The following TOP1MT variants were observed in gnomAD, a reference collection of about 807,000 sequenced individuals.
The protein encoded by TOP1MT is DNA topoisomerase I, mitochondrial.
TOP1MT carries 80 observed loss-of-function variants against 73.9 expected under a neutral mutation model. The ratio of observed to expected loss-of-function variants is 1.08; its 90% CI spans 0.90 to 1.30. The LOEUF is 1.30. Among genes scored for constraint, TOP1MT ranks in the 50% most tolerant of loss-of-function variants. The pLI, the probability that TOP1MT is intolerant of heterozygous loss-of-function variation, is 0.00. For missense variants in TOP1MT, 815 were observed against 808.0 expected, an observed-to-expected ratio of 1.01 and a Z score of -0.10; for synonymous variants, 338 against 326.4, an observed-to-expected ratio of 1.04 and a Z score of -0.38.
rs1211690522 is a variant in TOP1MT, at chr8:143,331,367, C to T, written c.123-28G>A. On this transcript the variant is annotated intron_variant, in intron 1 of 13. Coordinates refer to ENST00000329245, the MANE Select transcript of TOP1MT (RefSeq NM_052963.3). ...AAAGACGGAGACAGGACGTGTCACT[C>T]TCCTGGGCCAGGCCCTGCATGAGCC... The T allele has an allele frequency of 5.7e-6, 9 of 1,587,310 alleles. No homozygotes were observed. In the East Asian group the frequency reaches 2.0e-4, roughly 36 times the overall value.
upstream of TOP1MT, among the ~76,000 whole-genome samples, chr8:143,335,524 G>A (rs1263689719): frequency 6.6e-6 from 1 of 152,222 alleles, no homozygotes; most frequent in Admixed American, 6.5e-5. Flanking sequence ...AGTCCCCAGC[G>A]TGACTGCTGA....
chr8:143,312,260 A>G (rs1816033354), intron 12 of TOP1MT, among the ~76,000 whole-genome samples: 1 of 152,254 alleles, frequency 6.6e-6, no homozygotes. Flanking sequence ...TACCAAAATC[A>G]ATGACATCAT....
intron 2 of TOP1MT, among the ~76,000 whole-genome samples, chr8:143,342,715 T>TCG (rs1563771906): frequency 7.3e-4 from 65 of 89,194 alleles, no homozygotes; most frequent in Non-Finnish European, 1.0e-3. Context: ...GTCTCGCTGT[T>TCG]ATTATTATTA....
rs962610467 is a variant in TOP1MT at position 143,329,475 on chromosome 8, C to A, written c.239-4G>T. 2 of 1,607,582 alleles carry A rather than the reference C, an allele frequency of 1.2e-6. No individual in the cohort carries two copies. The highest frequency in any genetic ancestry group is 2.7e-5 in the African/African-American group (2 of 74,378). On this transcript the variant is annotated splice_region_variant and splice_polypyrimidine_tract_variant and intron_variant, in intron 2 of 13. Transcript: ENST00000329245. ...ACGCTCAATCTCACAGGCCTTCCTG[C>A]AGGCATCGGAAGACACATCGTATGA...
upstream of TOP1MT, among the ~76,000 whole-genome samples, chr8:143,345,741 T>C (rs1365691824): frequency 2.0e-5 from 3 of 152,254 alleles, no homozygotes; most frequent in East Asian, 5.8e-4. Context: ...ACTATACTGA[T>C]GAAGTCAGTC....
Position 143,324,095 on chromosome 8 carries a change from T to TCC in TOP1MT, c.862_863dup (p.Phe289AspfsTer19). 1 of 1,613,666 alleles carries TCC rather than the reference T, an allele frequency of 6.2e-7. No individual in the cohort carries two copies. Among genetic ancestry groups the TCC allele is most frequent in the Non-Finnish European group, 8.5e-7 (1 of 1,180,006 alleles). On this transcript the variant is annotated frameshift_variant, in exon 7 of 14. Transcript: ENST00000329245. LOFTEE classifies it high-confidence loss of function. ...ACTGGGAGCGGATCTCGTCCACAAA[T>TCC]CCCCGCAGGCGTCGAGCTGTTTCAA...
At chr8:143,313,195 A>G (rs1034898623) in intron 12 of TOP1MT, among the ~76,000 whole-genome samples, 1 of 152,260 alleles carries the variant, frequency 6.6e-6, no homozygotes, top group Non-Finnish European at 1.5e-5. Flanking sequence ...GGGTTAGGCA[A>G]AGCCTTCTCA....
Position 143,324,042 on chromosome 8 carries a change from A to G in TOP1MT, c.917T>C (p.Met306Thr). The change falls in exon 7 of 14, where the codon ATG (methionine) becomes ACG (threonine). Residue 306 changes from methionine to threonine, a missense_variant. Physicochemically the swap from Met to Thr is moderately conservative, Grantham distance 81 (BLOSUM62 -1). Transcript: ENST00000329245. ...GGCCACCGCCCGCTGTCTCGTCTTC[A>G]TTTCCCGAGACTTCCAGTCAGCCCG... ...QYRADWKSRE[M>T]KTRQRAVALY... is the part of the protein sequence containing the mutation. The G allele has an allele frequency of 6.2e-7, 1 of 1,613,820 alleles. No individual in the cohort carries two copies.
chr8:143,326,722 T>A (rs1312191395), intron 3 of TOP1MT, among the ~76,000 whole-genome samples: 1 of 152,244 alleles, frequency 6.6e-6, no homozygotes, highest in Non-Finnish European at 1.5e-5. Flanking sequence ...TAAGGGCAAC[T>A]GCAGAAACGT....
At chr8:143,354,573 G>A (rs1295676314) in intron 1 of TOP1MT, among the ~76,000 whole-genome samples, 1 of 152,084 alleles carries the variant, frequency 6.6e-6, no homozygotes, top group East Asian at 1.9e-4. Context: ...TTAGCCAGGC[G>A]TGGTGGTGCA....
At position 143,325,457 on chromosome 8, in the gene TOP1MT, C is replaced by T. The variant is rs1816680880; in HGVS notation, c.560G>A (p.Gly187Asp). The T allele has an allele frequency of 6.2e-7, 1 of 1,613,528 alleles. No individual in the cohort carries two copies. Among genetic ancestry groups the T allele is most frequent in the Non-Finnish European group, 8.5e-7 (1 of 1,179,574 alleles). Residue 187 changes from glycine (G) to aspartate (D), a missense_variant, in exon 5 of 14, where the codon GGC becomes GAC. By Grantham distance (94) the Gly-to-Asp change is moderately conservative (BLOSUM62 -1). Transcript: ENST00000329245. The stretch of plus-strand genomic sequence containing the variant: ...GCCAGGCGGCTCAATCTTGAAGTTG[C>T]CTATTTTTTCTTGGTGACCATCTAA... ...CILDGHQEKI[G>D]NFKIEPPGLF... is the part of the protein sequence containing the mutation.
At chr8:143,321,595 G>C (rs1303635216) in intron 7 of TOP1MT, among the ~76,000 whole-genome samples, 1 of 44,424 alleles carries the variant, frequency 2.3e-5, no homozygotes, top group Non-Finnish European at 3.9e-5. Flanking sequence ...CCACACGCAC[G>C]CACGCCACAC....
chr8:143,324,194 CG>C (rs748839166), intron 6 of TOP1MT, 52 bp from the exon 7 acceptor site: 10 of 1,599,864 alleles, frequency 6.3e-6, no homozygotes, highest in African/African-American at 2.7e-5. Flanking sequence ...TGTTAAATAA[CG>C]GAGGAGGCTG....
chr8:143,321,859 C>A (rs201698787), intron 7 of TOP1MT, among the ~76,000 whole-genome samples: 2 of 96,108 alleles, frequency 2.1e-5, no homozygotes, highest in Admixed American at 1.1e-4. Flanking sequence ...GCCACACACG[C>A]ATGCCACACG....
upstream of TOP1MT, among the ~76,000 whole-genome samples, chr8:143,339,402 G>T (rs1817036276): frequency 6.6e-6 from 1 of 152,196 alleles, no homozygotes; most frequent in Non-Finnish European, 1.5e-5. Flanking sequence ...GGCTACAACT[G>T]CAGTGTGGCC....
intron 1 of TOP1MT, chr8:143,355,574 A>T (rs1051894540): frequency 2.0e-5 from 3 of 152,202 alleles, no homozygotes; most frequent in African/African-American, 7.2e-5. Flanking sequence ...TTTGAAAAAG[A>T]TGTGGTCACA....
rs369648136 is a variant in TOP1MT, at chr8:143,351,054, C to T, written c.-39+4911G>A. 1.5e-4 allele frequency among the ~76,000 whole-genome samples: 23 copies of T among 152,228 alleles called. No individual in the cohort carries two copies. The East Asian group carries it at 4.3e-3, about 28-fold the overall frequency. ...ATCGCCTTCATCATCGGGTCAAATT[C>T]CTCCTCCCTCAGCCTCTACAGCTCA... On this transcript the variant is annotated intron_variant, in intron 1 of 5. Transcript: ENST00000518760.
At chr8:143,338,909 C>A (rs977253214), upstream of TOP1MT, among the ~76,000 whole-genome samples, 11 of 152,226 alleles carry the variant, frequency 7.2e-5, no homozygotes, top group Non-Finnish European at 1.6e-4. Context: ...CCAGGCCACT[C>A]AGGGGTTGCC....
At position 143,326,228 on chromosome 8, in the gene TOP1MT, C is replaced by G; in HGVS notation, c.477G>C (p.Glu159Asp). The part of the protein sequence containing the change: ...AAARKVLSRE[E>D]KQKLKEEAEK... The stretch of plus-strand genomic sequence containing the variant: ...ACGCTCGAGGCAGCCCAACCTGCTT[C>G]TCCTCCCTGCTCAGGACTTTCCGGG... The change falls in exon 4 of 14, where the codon GAG becomes GAC. Residue 159 changes from glutamate to aspartate, a missense_variant. Glu to Asp is a conservative substitution (Grantham distance 45, BLOSUM62 2). Around this residue, in one of 3 missense-constraint regions of TOP1MT, gnomAD observed 751 missense variants for 725.4 expected, o/e 1.04. Transcript: ENST00000329245. 6.2e-7 allele frequency: 1 copy of G among 1,613,864 alleles called. No individual in the cohort carries two copies. Among genetic ancestry groups the G allele is most frequent in the Non-Finnish European group, 8.5e-7 (1 of 1,179,994 alleles).
Sources: allele counts gnomAD v4.1 joint callset (sites outside exome capture counted in the v4.1 genomes callset), GRCh38; gene constraint gnomAD v4.1.1; regional missense constraint gnomAD v4.1.1; transcripts MANE v1.5; gene names NCBI Gene and HGNC (gene_info 2026-07-23, HGNC 2026-07-21).